Variants in AXDND1 observed in about 807,000 individuals in gnomAD.
The protein encoded by AXDND1 is axonemal dynein light chain domain-containing protein 1.
Under a neutral mutation model 137.5 loss-of-function variants are expected in AXDND1, and 110 were observed. The observed-to-expected ratio is 0.80, with a 90% CI of 0.69 to 0.94. The LOEUF (loss-of-function observed/expected upper bound fraction) is 0.94. Ranked by LOEUF, AXDND1 falls within the 40% of genes least tolerant of loss-of-function variation. AXDND1 has a pLI of 0.00. For synonymous variants in AXDND1, 414 were observed against 399.7 expected (o/e 1.04, Z -0.43); for missense variants, 1,191 against 1,169.8 (o/e 1.02, Z -0.26).
At chr1:179,405,562 T>A (rs1390981815) in intron 11 of AXDND1, among the ~76,000 whole-genome samples, 1 of 152,190 alleles carries the variant, frequency 6.6e-6, no homozygotes, top group African/African-American at 2.4e-5. Context: ...GATTCAATCT[T>A]GTTACTCATT....
Position 179,444,984 on chromosome 1 carries a change from A to G in AXDND1, c.1578A>G (p.Lys526=), listed in dbSNP as rs926926622. Residue 526 remains lysine, a synonymous_variant, in exon 16 of 26, where the codon AAA becomes AAG. Transcript: ENST00000367618. ...FKQWQKILNE[K]KEEFTGDVLL... is the part of the protein sequence containing the mutation. ...TCACTCTTTAGATCCTGAATGAGAAAAAAGAAGAGTTTACTGGGGATGTTC... is the reference window on the plus strand; with the variant it reads ...TCACTCTTTAGATCCTGAATGAGAAGAAAGAAGAGTTTACTGGGGATGTTC... 40 of 1,606,184 alleles carry G rather than the reference A, an allele frequency of 2.5e-5. No individual in the cohort carries two copies. Among genetic ancestry groups the G allele is most frequent in the Non-Finnish European group, 3.3e-5 (39 of 1,173,844 alleles).
intron 21 of AXDND1, among the ~76,000 whole-genome samples, chr1:179,519,450 A>C (rs1669856008): frequency 6.6e-6 from 1 of 152,146 alleles, no homozygotes; most frequent in Non-Finnish European, 1.5e-5. Context: ...CTTCATTGTG[A>C]AATCTTTTCC....
chr1:179,430,371 A>T, intron 13 of AXDND1, 81 bp from the exon 14 acceptor site: 1 of 1,071,494 alleles, frequency 9.3e-7, no homozygotes, highest in Non-Finnish European at 1.3e-6. Context: ...TTACAATATT[A>T]ATAATGGCCT....
At chr1:179,468,715 T>C (rs1663548098) in intron 17 of AXDND1, 74 bp downstream of exon 17, 1 of 1,210,512 alleles carries the variant, frequency 8.3e-7, no homozygotes. Context: ...TCATATATAA[T>C]TCACTTTTTC....
intron 23 of AXDND1, among the ~76,000 whole-genome samples, chr1:179,530,596 C>T (rs1670953615): frequency 6.6e-6 from 1 of 152,152 alleles, no homozygotes; most frequent in Admixed American, 6.5e-5. Context: ...GTGACACTGG[C>T]AGTGCCATGT....
In AXDND1 at chr1:179,368,805, C is replaced by G. The variant is rs1279792506; in HGVS notation, c.103C>G (p.Pro35Ala). ...CTTTTCCACTACTTACTTAGGACTT[C>G]CTGAGCTAAAGGAGAAAAAAAATAT... ...SVAKEGTRGL[P>A]ELKEKKNMVD... Residue 35 changes from proline to alanine, a missense_variant, in exon 3 of 26, where the codon CCT becomes GCT. By Grantham distance (27) the Pro-to-Ala change is conservative (BLOSUM62 -1). Coordinates refer to ENST00000367618, the MANE Select transcript of AXDND1 (RefSeq NM_144696.6). 4 of 1,607,110 alleles carry G rather than the reference C, an allele frequency of 2.5e-6. No individual in the cohort carries two copies. Among genetic ancestry groups the G allele is most frequent in the Non-Finnish European group, 3.4e-6 (4 of 1,177,576 alleles).
intron 15 of AXDND1, among the ~76,000 whole-genome samples, chr1:179,432,763 G>A (rs374293199): frequency 2.6e-5 from 4 of 152,154 alleles, no homozygotes. Flanking sequence ...TAGGGGCCGG[G>A]CACGGTGGCT....
chr1:179,451,248 C>T (rs6661379), intron 16 of AXDND1: 87,369 of 151,668 alleles, frequency 0.58, 25,461 homozygotes, highest in East Asian at 0.85. Context: ...TTTTTGATTA[C>T]GGACTTAACC....
chr1:179,492,818 G>T, intron 19 of AXDND1, 37 bp from the exon 20 acceptor site: 1 of 1,398,808 alleles, frequency 7.1e-7, no homozygotes, highest in Non-Finnish European at 9.9e-7. Flanking sequence ...GTGTGTATTT[G>T]CTCTTTTTCT....
intron 25 of AXDND1, among the ~76,000 whole-genome samples, chr1:179,539,077 G>A (rs1671842807): frequency 6.6e-6 from 1 of 151,952 alleles, no homozygotes; most frequent in Admixed American, 6.6e-5. Context: ...TTGAGCCTAT[G>A]TGTGTCTTTG....
intron 9 of AXDND1, among the ~76,000 whole-genome samples, chr1:179,390,859 C>T (rs1166763545): frequency 8.6e-5 from 13 of 151,834 alleles, no homozygotes; most frequent in Non-Finnish European, 1.6e-4. Flanking sequence ...CAGGCTGGAG[C>T]GCAATGGTGC....
chr1:179,450,899 G>C (rs1289603598), intron 16 of AXDND1: 1 of 152,228 alleles, frequency 6.6e-6, no homozygotes, highest in Non-Finnish European at 1.5e-5. Flanking sequence ...ACTCCAGCCT[G>C]GGTGACAGAG....
chr1:179,480,165 A>T (rs57063864), intron 17 of AXDND1, among the ~76,000 whole-genome samples: 1 of 152,046 alleles, frequency 6.6e-6, no homozygotes, highest in Non-Finnish European at 1.5e-5. Flanking sequence ...CCAGGTACCG[A>T]TTTACTGTGT....
rs1434112678 is a variant in AXDND1, at chr1:179,378,753, A to G, written c.491A>G (p.His164Arg). The change falls in exon 5 of 26, where the codon CAT becomes CGT. Residue 164 changes from histidine to arginine, a missense_variant. His to Arg is a conservative substitution (Grantham distance 29). Transcript: ENST00000367618. Reference sequence around the variant, plus strand: ...TCACATGATGGTGTCATTGTGCCCCATAAGGTAAATAAAGTATTTGACAAA... The same window carrying G: ...TCACATGATGGTGTCATTGTGCCCCGTAAGGTAAATAAAGTATTTGACAAA... ...LQSHDGVIVP[H>R]KPKTLTDTLI... is the part of the protein sequence containing the mutation. 6.5e-7 allele frequency: 1 copy of G among 1,537,724 alleles called. No homozygotes were observed. The highest frequency in any genetic ancestry group is 8.8e-7 in the Non-Finnish European group (1 of 1,140,652).
chr1:179,488,415 G>GT (rs1433180067), intron 18 of AXDND1, among the ~76,000 whole-genome samples: 2 of 147,002 alleles, frequency 1.4e-5, no homozygotes, highest in African/African-American at 2.6e-5. Context: ...TATGTGTGTG[G>GT]TTTTTTTTGT....
intron 25 of AXDND1, among the ~76,000 whole-genome samples, chr1:179,539,494 CT>C (rs1448281309): frequency 6.6e-6 from 1 of 152,172 alleles, no homozygotes; most frequent in Non-Finnish European, 1.5e-5. Context: ...AAATTCTTTT[CT>C]TTAAGAATGT....
chr1:179,527,080 A>C (rs1449395647), intron 22 of AXDND1, among the ~76,000 whole-genome samples: 1 of 152,206 alleles, frequency 6.6e-6, no homozygotes. Flanking sequence ...AGAAAGTAAA[A>C]GAATAAAAGA....
chr1:179,391,424 A>G (rs1360395280), intron 9 of AXDND1, among the ~76,000 whole-genome samples: 1 of 151,948 alleles, frequency 6.6e-6, no homozygotes, highest in Non-Finnish European at 1.5e-5. Context: ...TGTGGAAGGG[A>G]CCAGGTAGAG....
chr1:179,432,860 A>G (rs950178268), intron 15 of AXDND1, among the ~76,000 whole-genome samples: 4 of 151,632 alleles, frequency 2.6e-5, no homozygotes, highest in Admixed American at 6.6e-5. Context: ...CCGAGATTGC[A>G]CCACTGCACT....
Sources: gnomAD v4.1 joint callset for allele counts (sites outside exome capture counted in the v4.1 genomes callset) on GRCh38, gnomAD v4.1.1 for gene constraint, MANE v1.5 for transcripts, NCBI Gene and HGNC (gene_info 2026-07-23, HGNC 2026-07-21) for gene names.